Variants in TG observed in about 807,000 individuals in gnomAD.
The protein encoded by TG is thyroid hormones.
TG carries 270 observed loss-of-function variants against 324.7 expected under a neutral mutation model. The ratio of observed to expected loss-of-function variants is 0.83; its 90% CI spans 0.75 to 0.92. The LOEUF (loss-of-function observed/expected upper bound fraction) is 0.92, where lower values mean the gene tolerates loss of function less well. TG is among the 40% of genes least tolerant of loss of function. The probability of loss-of-function intolerance (pLI) is 0.00; values close to 1 mark genes in which losing one functional copy is unlikely to be tolerated. For synonymous variants in TG, 1,401 were observed against 1,327.0 expected, an observed-to-expected ratio of 1.06 and a Z score of -1.21; for missense variants, 3,591 against 3,456.4, an observed-to-expected ratio of 1.04 and a Z score of -0.98.
chr8:133,019,620 A>G lies in TG; in HGVS notation c.6801A>G (p.Pro2267=). 6.2e-7 allele frequency: 1 copy of G among 1,613,820 alleles called. No individual in the cohort carries two copies. Among genetic ancestry groups the G allele is most frequent in the Non-Finnish European group, 8.5e-7 (1 of 1,179,828 alleles). The change falls in exon 39 of 48, where the codon CCA becomes CCG. Residue 2267 remains proline (P), a synonymous_variant. Coordinates refer to ENST00000220616, the MANE Select transcript of TG (RefSeq NM_003235.5). ...ASKPRASCWQ[P]GTRTSTSPGV... ...TCTGCAGGGCCAGCTGCTGGCAGCCAGGCACCAGAACATCCACGTCTCCTG... is the reference window on the plus strand; with the variant it reads ...TCTGCAGGGCCAGCTGCTGGCAGCCGGGCACCAGAACATCCACGTCTCCTG...
At chr8:132,905,881 T>C (rs1223712047) in intron 16 of TG, among the ~76,000 whole-genome samples, 4 of 152,096 alleles carry the variant, frequency 2.6e-5, no homozygotes, top group Admixed American at 2.0e-4. Flanking sequence ...CAAAAAGGAA[T>C]CTTCCAGACA....
At chr8:132,872,912 C>T in intron 4 of TG, 150 bp from the exon 5 acceptor site, 1 of 862,204 alleles carries the variant, frequency 1.2e-6, no homozygotes, top group Non-Finnish European at 1.8e-6. Context: ...TAAGTACACT[C>T]TATGATGTTC....
intron 4 of TG, among the ~76,000 whole-genome samples, 161 bp downstream of exon 4, chr8:132,871,712 AT>A (rs1245989726): frequency 6.6e-6 from 1 of 152,226 alleles, no homozygotes; most frequent in Non-Finnish European, 1.5e-5. Context: ...TTATTCTCAT[AT>A]TTCCATATGG....
At chr8:132,926,319 T>A (rs1159667407) in intron 22 of TG, among the ~76,000 whole-genome samples, 1 of 152,206 alleles carries the variant, frequency 6.6e-6, no homozygotes, top group Non-Finnish European at 1.5e-5. Flanking sequence ...TCTTCTTGCT[T>A]CAGTCCAACA....
chr8:133,134,761 C>T lies in TG; in HGVS notation c.8274C>T (p.Leu2758=), dbSNP rs949189658. 1.9e-6 allele frequency: 3 copies of T among 1,613,990 alleles called. No homozygotes were observed. Among genetic ancestry groups the T allele is most frequent in the African/African-American group, 2.7e-5 (2 of 74,884 alleles). Residue 2758 remains leucine, a synonymous_variant, in exon 48 of 48, where the codon CTC becomes CTT. Transcript: ENST00000220616. ...GSGLREDLLS[L]QEPGSKTYSK Reference sequence around the variant, plus strand: ...GGCTAAGAGAAGATCTCCTAAGCCTCCAGGAACCAGGCTCTAAGACCTACA... The same window carrying T: ...GGCTAAGAGAAGATCTCCTAAGCCTTCAGGAACCAGGCTCTAAGACCTACA...
chr8:133,052,804 G>T (rs571011458), intron 41 of TG, among the ~76,000 whole-genome samples: 1 of 152,206 alleles, frequency 6.6e-6, no homozygotes, highest in African/African-American at 2.4e-5. Context: ...GGTCTCAGGC[G>T]TATGATTTGT....
chr8:132,893,716 C>T lies in TG; in HGVS notation c.2788C>T (p.Leu930Phe), dbSNP rs554879042. Residue 930 changes from leucine to phenylalanine, a missense_variant, in exon 11 of 48, where the codon CTC becomes TTC. By Grantham distance (22) the Leu-to-Phe change is conservative. Coordinates refer to ENST00000220616, the MANE Select transcript of TG (RefSeq NM_003235.5). ...TCPGSCEEAK[L>F]RVLQFIRETE... ...TCCTGGCTCCTGTGAGGAAGCAAAG[C>T]TCCGTGTACTGCAGTTCATTAGGGA... is the stretch of plus-strand genomic sequence containing the variant. The T allele has an allele frequency of 7.1e-5, 115 of 1,613,912 alleles. No individual in the cohort carries two copies. The highest frequency in any genetic ancestry group is 9.4e-5 in the Non-Finnish European group (111 of 1,179,902).
intron 41 of TG, among the ~76,000 whole-genome samples, chr8:133,042,678 C>CTTTTTTT (rs58739514): frequency 0.012 from 667 of 56,750 alleles, 101 homozygotes; most frequent in African/African-American, 0.023. Flanking sequence ...CATTCTGTGT[C>CTTTTTTT]TTTTTTTTTT....
intron 41 of TG, chr8:133,040,272 G>T: frequency 1.1e-6 from 1 of 881,934 alleles, no homozygotes; most frequent in Non-Finnish European, 1.7e-6. Context: ...GGGCATGGTA[G>T]GTGGTGACAA....
chr8:132,913,552 A>T (rs2687823), intron 20 of TG, among the ~76,000 whole-genome samples: 1 of 152,120 alleles, frequency 6.6e-6, no homozygotes, highest in East Asian at 1.9e-4. Context: ...AGGCTAACAT[A>T]CATTTGTATC....
intron 44 of TG, among the ~76,000 whole-genome samples, chr8:133,114,301 G>A (rs1452833993): frequency 6.6e-6 from 1 of 152,080 alleles, no homozygotes; most frequent in Non-Finnish European, 1.5e-5. Flanking sequence ...TCTCACTTGG[G>A]GAAGGCTGCC....
intron 43 of TG, among the ~76,000 whole-genome samples, chr8:133,100,409 T>C (rs1849062330): frequency 6.6e-6 from 1 of 152,236 alleles, no homozygotes; most frequent in Non-Finnish European, 1.5e-5. Flanking sequence ...GAAACTGCTA[T>C]ATCTCTGGTG....
chr8:132,984,418 C>T (rs888536756), intron 35 of TG, among the ~76,000 whole-genome samples: 9 of 152,184 alleles, frequency 5.9e-5, no homozygotes, highest in Non-Finnish European at 4.4e-5. Flanking sequence ...ACTGTGTATG[C>T]TAAGCACTTT....
At chr8:132,988,646 A>G in intron 35 of TG, 2 of 945,174 alleles carry the variant, frequency 2.1e-6, no homozygotes, top group Non-Finnish European at 2.5e-6. Context: ...TTGTTTTATA[A>G]ACAAGTGAAA....
rs1235018794 is a variant in TG, at chr8:132,897,717, T to C, written c.3070T>C (p.Ser1024Pro). ...DSAGASALLR[S>P]GPYMPQCDAF... ...GGCTGGAGCATCCGCCCTTCTGCGGTCGGGCCCCTACATGCCACAGTGTGA... is the reference window on the plus strand; with the variant it reads ...GGCTGGAGCATCCGCCCTTCTGCGGCCGGGCCCCTACATGCCACAGTGTGA... Residue 1024 changes from serine (S) to proline (P), a missense_variant, in exon 12 of 48, where the codon TCG becomes CCG. Physicochemically the swap from Ser to Pro is moderately conservative, Grantham distance 74. Coordinates refer to ENST00000220616, the MANE Select transcript of TG (RefSeq NM_003235.5). The C allele has an allele frequency of 1.2e-6, 2 of 1,614,180 alleles. No homozygotes were observed. Among genetic ancestry groups the C allele is most frequent in the Admixed American group, 1.7e-5 (1 of 60,022 alleles).
intron 32 of TG, among the ~76,000 whole-genome samples, 172 bp downstream of exon 32, chr8:132,969,741 T>C (rs1295423025): frequency 1.3e-5 from 2 of 151,740 alleles, no homozygotes; most frequent in Non-Finnish European, 2.9e-5. Context: ...TGAAGCCCCG[T>C]CTCTACTAAA....
intron 41 of TG, among the ~76,000 whole-genome samples, chr8:133,030,910 A>C (rs777456995): frequency 6.6e-6 from 1 of 152,226 alleles, no homozygotes; most frequent in Non-Finnish European, 1.5e-5. Context: ...GATGAGCCAG[A>C]CTGCCCTGAA....
At chr8:132,898,701 C>T in intron 13 of TG, 97 bp from the exon 14 acceptor site, 1 of 1,010,384 alleles carries the variant, frequency 9.9e-7, no homozygotes, top group Non-Finnish European at 1.5e-6. Flanking sequence ...CTGCATTCAC[C>T]CAGGCTCATG....
At chr8:133,060,399 GA>G (rs1842202392) in intron 41 of TG, 1 of 1,511,926 alleles carries the variant, frequency 6.6e-7, no homozygotes, top group African/African-American at 1.4e-5. Context: ...GGGAATGACA[GA>G]AAAACCACAG....
Sources: gnomAD v4.1 joint callset for allele counts (sites outside exome capture counted in the v4.1 genomes callset) on GRCh38, gnomAD v4.1.1 for gene constraint, MANE v1.5 for transcripts, NCBI Gene and HGNC (gene_info 2026-07-23, HGNC 2026-07-21) for gene names.